The following IL1RAPL1 variants were observed in gnomAD, a reference collection of about 807,000 sequenced individuals.
IL1RAPL1 encodes interleukin 1 receptor accessory protein like 1.
A neutral mutation model predicts 48.4 loss-of-function variants in IL1RAPL1; 3 were observed. That is an observed-to-expected ratio of 0.06 (90% CI 0.03 to 0.16). The LOEUF is 0.16. Ranked by LOEUF, IL1RAPL1 falls within the 10% of genes least tolerant of loss-of-function variation. The pLI is 1.00. For synonymous variants in IL1RAPL1, 185 were observed against 187.7 expected (o/e 0.99, Z 0.12); for missense variants, 349 against 530.6 (o/e 0.66, Z 3.36).
intron 2 of IL1RAPL1, among the ~76,000 whole-genome samples, chrX:29,032,830 C>T (rs1448496458): frequency 3.6e-5 from 4 of 112,494 alleles, no homozygotes; most frequent in Non-Finnish European, 7.5e-5. Flanking sequence ...GGGTCTGCCA[C>T]TTACTGTTTA....
At chrX:29,579,049 C>T (rs745769159) in intron 5 of IL1RAPL1, among the ~76,000 whole-genome samples, 4 of 111,119 alleles carry the variant, frequency 3.6e-5, no homozygotes, top group Non-Finnish European at 7.5e-5. Context: ...GCCATGTGTC[C>T]CTCATTATAT....
intron 3 of IL1RAPL1, among the ~76,000 whole-genome samples, chrX:29,304,241 T>C (rs759263816): frequency 4.1e-4 from 46 of 111,243 alleles, no homozygotes; most frequent in African/African-American, 1.4e-3. Flanking sequence ...TTCTTCCTTC[T>C]CTTGGCTTCA....
intron 3 of IL1RAPL1, among the ~76,000 whole-genome samples, chrX:29,381,814 CAAAAA>C (rs1213630768): frequency 6.6e-4 from 22 of 33,378 alleles, no homozygotes; most frequent in South Asian, 2.3e-3. Context: ...AGACTGTTGC[CAAAAA>C]AAAAAAAAAA....
chrX:28,708,544 A>G (rs1306000742), intron 1 of IL1RAPL1, among the ~76,000 whole-genome samples: 1 of 112,048 alleles, frequency 8.9e-6, no homozygotes, highest in African/African-American at 3.2e-5. Context: ...ATTCACATGG[A>G]ATCCACATAA....
At chrX:29,358,921 T>C (rs760732099) in intron 3 of IL1RAPL1, among the ~76,000 whole-genome samples, 2 of 108,895 alleles carry the variant, frequency 1.8e-5, no homozygotes, top group Admixed American at 2.0e-4. Context: ...CTCGGGAGGC[T>C]GAGGTGGGAG....
At chrX:29,813,100 A>G (rs1003333708) in intron 6 of IL1RAPL1, among the ~76,000 whole-genome samples, 2 of 111,569 alleles carry the variant, frequency 1.8e-5, no homozygotes, top group Admixed American at 9.6e-5. Flanking sequence ...TAACATCTCA[A>G]TGTTTTACTC....
chrX:29,401,026 A>G (rs1373448773), intron 5 of IL1RAPL1, among the ~76,000 whole-genome samples: 1 of 111,543 alleles, frequency 9.0e-6, no homozygotes, highest in African/African-American at 3.3e-5. Context: ...GATACTGAAC[A>G]CTGGGCTCTG....
At chrX:29,863,900 C>T (rs1233817941) in intron 6 of IL1RAPL1, among the ~76,000 whole-genome samples, 2 of 111,649 alleles carry the variant, frequency 1.8e-5, no homozygotes, top group East Asian at 5.6e-4. Context: ...GATTCCCCTG[C>T]CTCAGCCTCC....
At chrX:28,827,522 G>A (rs764144846) in intron 2 of IL1RAPL1, among the ~76,000 whole-genome samples, 1 of 111,532 alleles carries the variant, frequency 9.0e-6, no homozygotes, top group East Asian at 2.8e-4. Flanking sequence ...TTCATAAAAA[G>A]AACCCCCAAT....
intron 1 of IL1RAPL1, among the ~76,000 whole-genome samples, chrX:28,641,846 C>T (rs1934546976): frequency 1.8e-5 from 2 of 110,935 alleles, no homozygotes; most frequent in Admixed American, 1.9e-4. Flanking sequence ...TTTTCATATG[C>T]TTATTGGCCG....
intron 6 of IL1RAPL1, among the ~76,000 whole-genome samples, chrX:29,898,107 C>T (rs758882155): frequency 8.9e-6 from 1 of 111,816 alleles, no homozygotes; most frequent in African/African-American, 3.2e-5. Context: ...TCTTAAGAGG[C>T]TCTCTCCTAC....
chrX:29,520,261 A>G (rs966039961), intron 5 of IL1RAPL1, among the ~76,000 whole-genome samples: 6 of 112,150 alleles, frequency 5.3e-5, no homozygotes, highest in African/African-American at 1.9e-4. Flanking sequence ...TTACGTTCCC[A>G]GAAACAAGAG....
chrX:29,770,790 A>C (rs1404279238), intron 6 of IL1RAPL1, among the ~76,000 whole-genome samples: 2 of 112,608 alleles, frequency 1.8e-5, no homozygotes, highest in Non-Finnish European at 3.7e-5. Flanking sequence ...ATTTTTATGC[A>C]GAATTTCAGT....
intron 6 of IL1RAPL1, among the ~76,000 whole-genome samples, chrX:29,806,911 C>T (rs1411437695): frequency 6.4e-5 from 7 of 110,117 alleles, no homozygotes; most frequent in Admixed American, 3.9e-4. Context: ...GCACCTCCTC[C>T]TGCACTTACT....
intron 5 of IL1RAPL1, among the ~76,000 whole-genome samples, chrX:29,557,660 C>A (rs774080019): frequency 9.0e-6 from 1 of 111,418 alleles, no homozygotes; most frequent in Non-Finnish European, 1.9e-5. Flanking sequence ...ACACTTTGAT[C>A]AACATCTCCC....
chrX:28,875,034 TTAA>T (rs1231346803), intron 2 of IL1RAPL1, among the ~76,000 whole-genome samples: 4 of 111,977 alleles, frequency 3.6e-5, no homozygotes, highest in Non-Finnish European at 5.6e-5. Flanking sequence ...TTCTCATAGA[TTAA>T]TGATTGTGGA....
rs1391100602 is a variant in IL1RAPL1 at position 28,779,650 on chromosome X, A to G, written c.-24-9670A>G. Among the ~76,000 whole-genome samples, 19 of 82,629 alleles carry G rather than the reference A, an allele frequency of 2.3e-4. 1 individual carries two copies. Among genetic ancestry groups the G allele is most frequent in the South Asian group, 2.0e-3 (3 of 1,520 alleles). 71.8% of individuals were successfully genotyped at this position (82,629 alleles called of 115,157 possible). On this transcript the variant is annotated intron_variant, in intron 1 of 10. Transcript: ENST00000378993. The stretch of plus-strand genomic sequence containing the variant: ...TGTGTGTGTGTATATATATATATAT[A>G]TATATATATATATATATATATATAT...
At chrX:29,114,822 GT>G (rs1928644787) in intron 2 of IL1RAPL1, among the ~76,000 whole-genome samples, 1 of 110,054 alleles carries the variant, frequency 9.1e-6, no homozygotes, top group Non-Finnish European at 1.9e-5. Flanking sequence ...TAGAGATGGG[GT>G]TTCACCATGT....
intron 6 of IL1RAPL1, among the ~76,000 whole-genome samples, chrX:29,752,134 G>A (rs1315096693): frequency 4.1e-5 from 4 of 96,731 alleles, no homozygotes; most frequent in Non-Finnish European, 8.2e-5. Context: ...TCCCACAGAT[G>A]TACAAATTTT....
Sources: gnomAD v4.1 joint callset for allele counts (sites outside exome capture counted in the v4.1 genomes callset) on GRCh38, gnomAD v4.1.1 for gene constraint, MANE v1.5 for transcripts, NCBI Gene and HGNC (gene_info 2026-07-23, HGNC 2026-07-21) for gene names.